MAPK12: variants seen among roughly 807,000 people sequenced by gnomAD.
The protein encoded by MAPK12 is mitogen-activated protein kinase 12.
A neutral mutation model predicts 49.1 loss-of-function variants in MAPK12; 49 were observed. The ratio of observed to expected loss-of-function variants is 1.00; its 90% CI spans 0.79 to 1.27. The LOEUF is 1.27. Among genes scored for constraint, MAPK12 ranks in the 50% most tolerant of loss-of-function variants. The pLI, the probability that MAPK12 is intolerant of heterozygous loss-of-function variation, is 0.00. For missense variants in MAPK12, 554 were observed against 502.4 expected, an observed-to-expected ratio of 1.10 and a Z score of -0.98; for synonymous variants, 251 against 209.7, an observed-to-expected ratio of 1.20 and a Z score of -1.70.
intron 11 of MAPK12, 23 bp from the exon 12 acceptor site, chr22:50,253,503 C>CGCCA: frequency 2.8e-6 from 2 of 711,942 alleles, no homozygotes; most frequent in Non-Finnish European, 4.6e-6. Flanking sequence ...GGGGGGCGGG[C>CGCCA]ACAACAGAGA....
At position 50,261,170 on chromosome 22, in the gene MAPK12, C is replaced by G. The variant is rs568278596; in HGVS notation, c.252G>C (p.Glu84Asp). The change falls in exon 2 of 12, where the codon GAG (glutamate) becomes GAC (aspartate). Residue 84 changes from glutamate to aspartate, a missense_variant. Glu to Asp is a conservative substitution (Grantham distance 45, BLOSUM62 2). Coordinates refer to ENST00000215659, the MANE Select transcript of MAPK12 (RefSeq NM_002969.6). ...GGAGCGGGGCCGCGCGACTCACGTT[C>G]TCGTGGCGCATGTGCTTGAGCAGGC... ...ELRLLKHMRH[E>D]NVIGLLDVFT... is the part of the protein sequence containing the mutation. 8.2e-6 allele frequency: 13 copies of G among 1,587,438 alleles called. No homozygotes were observed. In the East Asian group the frequency reaches 2.6e-4, roughly 32 times the overall value.
Position 50,256,849 on chromosome 22 carries a change from C to A in MAPK12, c.456+86G>T, listed in dbSNP as rs961223231. On this transcript the variant is annotated intron_variant, in intron 5 of 11. Transcript: ENST00000215659. ...ATAGGGCGTGGCTCAGCACCCAGAC[C>A]CCATCACATCCTCACAGGTGGGACG... is the stretch of plus-strand genomic sequence containing the variant. 40 of 1,558,768 alleles carry A rather than the reference C, an allele frequency of 2.6e-5. No individual in the cohort carries two copies. The African/African-American group carries it at 3.0e-4, about 12-fold the overall frequency.
intron 2 of MAPK12, among the ~76,000 whole-genome samples, chr22:50,260,348 C>T (rs1019596079): frequency 3.9e-5 from 6 of 151,972 alleles, no homozygotes; most frequent in South Asian, 2.1e-4. Flanking sequence ...AGGTAGGGTC[C>T]GGGTGCCCAG....
chr22:50,260,409 T>G (rs1012964799), intron 2 of MAPK12, among the ~76,000 whole-genome samples: 4 of 151,434 alleles, frequency 2.6e-5, no homozygotes, highest in East Asian at 3.9e-4. Flanking sequence ...AGGAGTGACG[T>G]GGGGGGCAGT....
Position 50,253,499 on chromosome 22 carries a change from C to CGGGGGGGGGGGGGGGG in MAPK12, c.1025-20_1025-19insCCCCCCCCCCCCCCCC. 1 of 660,036 alleles carries CGGGGGGGGGGGGGGGG rather than the reference C, an allele frequency of 1.5e-6. No homozygotes were observed. 40.9% of individuals were successfully genotyped at this position (660,036 alleles called of 1,614,324 possible). On this transcript the variant is annotated intron_variant, in intron 11 of 11. Coordinates refer to ENST00000215659, the MANE Select transcript of MAPK12 (RefSeq NM_002969.6). ...GTAACACCTGGCGGGGGTGGGGGGG[C>CGGGGGGGGGGGGGGGG]GGGCACAACAGAGAGGGGGGTCAGC...
At chr22:50,256,531 T>C in intron 6 of MAPK12, 68 bp downstream of exon 6, 1 of 1,556,142 alleles carries the variant, frequency 6.4e-7, no homozygotes, top group Non-Finnish European at 8.7e-7. Flanking sequence ...GCCTGACAGG[T>C]GGATAGATGG....
At chr22:50,259,598 T>A (rs2065188149) in intron 2 of MAPK12, among the ~76,000 whole-genome samples, 1 of 151,994 alleles carries the variant, frequency 6.6e-6, no homozygotes, top group Non-Finnish European at 1.5e-5. Flanking sequence ...AAAGCCCCGG[T>A]GGAGCCCGGC....
Position 50,255,435 on chromosome 22 carries a change from C to T in MAPK12, c.850+18G>A. On this transcript the variant is annotated intron_variant, in intron 10 of 11. Transcript: ENST00000215659. ...CCACACTCCAGCACCCGGTGGCCCC[C>T]ACACTAGCCAGCCGTACCCAGAGGG... The T allele has an allele frequency of 6.2e-7, 1 of 1,612,926 alleles. No homozygotes were observed. Among genetic ancestry groups the T allele is most frequent in the Non-Finnish European group, 8.5e-7 (1 of 1,180,008 alleles).
chr22:50,257,700 C>T (rs2065164648), intron 3 of MAPK12: 8 of 609,822 alleles, frequency 1.3e-5, no homozygotes, highest in Non-Finnish European at 2.3e-5. Flanking sequence ...TGGTATTTAG[C>T]ACCTTCCCAG....
rs200619481 is a variant in MAPK12, at chr22:50,257,157, G to T, written c.351C>A (p.Gly117=). The change falls in exon 4 of 12, where the codon GGC becomes GGA. Residue 117 remains glycine, a synonymous_variant. Transcript: ENST00000215659. ...CTAGCTTCTCATGTTTCATGAGCTT[G>T]CCCAGGTCGGTGCCCATGAACGGCA... ...LVMPFMGTDL[G]KLMKHEKLGE... The T allele has an allele frequency of 6.2e-7, 1 of 1,612,802 alleles. No homozygotes were observed. The highest frequency in any genetic ancestry group is 1.3e-5 in the African/African-American group (1 of 75,038).
rs2065145099 is a variant in MAPK12, at chr22:50,255,880, C to T, written c.621G>A (p.Val207=). ...TGATGCAGCCCACAGACCAGATGTC[C>T]ACTGAGATAGAAGCCCTGGTCAGCT... is the stretch of plus-strand genomic sequence containing the variant. ...ILNWMRYTQT[V]DIWSVGCIMA... is the part of the protein sequence containing the mutation. Residue 207 remains valine, a splice_region_variant and synonymous_variant, in exon 8 of 12, where the codon GTG becomes GTA. Coordinates refer to ENST00000215659, the MANE Select transcript of MAPK12 (RefSeq NM_002969.6). 5 of 1,612,430 alleles carry T rather than the reference C, an allele frequency of 3.1e-6. No individual in the cohort carries two copies. The highest frequency in any genetic ancestry group is 4.2e-6 in the Non-Finnish European group (5 of 1,179,894).
intron 2 of MAPK12, among the ~76,000 whole-genome samples, chr22:50,259,917 G>T (rs999249051): frequency 6.7e-6 from 1 of 149,108 alleles, no homozygotes; most frequent in Non-Finnish European, 1.5e-5. Context: ...GCCCCAGAGC[G>T]CTTGGCTGGA....
At chr22:50,259,368 T>C (rs561479747) in intron 2 of MAPK12, among the ~76,000 whole-genome samples, 10 of 152,148 alleles carry the variant, frequency 6.6e-5, no homozygotes, top group African/African-American at 2.2e-4. Context: ...GCCTGGCCTC[T>C]GTGGTATGGG....
chr22:50,260,378 G>A (rs2065198963), intron 2 of MAPK12, among the ~76,000 whole-genome samples: 1 of 152,016 alleles, frequency 6.6e-6, no homozygotes, highest in South Asian at 2.1e-4. Flanking sequence ...CCTCAGGCTG[G>A]GCCCAGACCA....
intron 2 of MAPK12, among the ~76,000 whole-genome samples, chr22:50,258,801 C>T (rs113113216): frequency 3.3e-5 from 5 of 152,336 alleles, no homozygotes; most frequent in East Asian, 1.9e-4. Flanking sequence ...TGACAACTGC[C>T]GCCTCAGCAT....
chr22:50,258,205 C>T (rs2065171663), intron 3 of MAPK12, 38 bp downstream of exon 3: 1 of 1,604,824 alleles, frequency 6.2e-7, no homozygotes, highest in African/African-American at 1.3e-5. Context: ...CTGCCCAACA[C>T]CCCTCGTGCC....
At chr22:50,259,125 G>T (rs894472934) in intron 2 of MAPK12, among the ~76,000 whole-genome samples, 4 of 152,338 alleles carry the variant, frequency 2.6e-5, no homozygotes, top group Admixed American at 6.5e-5. Context: ...CCTGGCCGTG[G>T]TGTAGGAACC....
At chr22:50,260,977 G>T in intron 2 of MAPK12, 190 bp downstream of exon 2, 1 of 596,770 alleles carries the variant, frequency 1.7e-6, no homozygotes, top group Non-Finnish European at 2.6e-6. Flanking sequence ...ATGGGGAACG[G>T]CCCTTGGGGG....
intron 11 of MAPK12, 189 bp downstream of exon 11, chr22:50,255,008 G>A: frequency 6.8e-7 from 1 of 1,464,292 alleles, no homozygotes; most frequent in South Asian, 1.4e-5. Context: ...CCCAGGGATG[G>A]GGATCTAGGA....
Sources: allele counts gnomAD v4.1 joint callset (sites outside exome capture counted in the v4.1 genomes callset), GRCh38; gene constraint gnomAD v4.1.1; transcripts MANE v1.5; gene names NCBI Gene and HGNC (gene_info 2026-07-23, HGNC 2026-07-21).